PTCHD4: variants seen among roughly 807,000 people sequenced by gnomAD.
The protein encoded by PTCHD4 is patched domain containing 4.
Under a neutral mutation model 58.1 loss-of-function variants are expected in PTCHD4, and 33 were observed. The observed-to-expected ratio is 0.57, with a 90% CI of 0.43 to 0.76. PTCHD4 has a LOEUF of 0.76. Ranked by LOEUF, PTCHD4 falls within the 30% of genes least tolerant of loss-of-function variation. The probability of loss-of-function intolerance (pLI) is 0.00; values close to 1 mark genes in which losing one functional copy is unlikely to be tolerated. For missense variants in PTCHD4, 1,058 were observed against 1,027.1 expected, an observed-to-expected ratio of 1.03 and a Z score of -0.41; for synonymous variants, 478 against 409.6, an observed-to-expected ratio of 1.17 and a Z score of -2.02.
chr6:47,890,122 A>G (rs1030730397), intron 4 of PTCHD4, among the ~76,000 whole-genome samples: 9 of 151,896 alleles, frequency 5.9e-5, no homozygotes, highest in African/African-American at 1.9e-4. Context: ...ATATGCATAT[A>G]TAGTATATGT....
intron 1 of PTCHD4, among the ~76,000 whole-genome samples, chr6:48,093,180 A>G (rs1463648225): frequency 1.3e-5 from 2 of 152,190 alleles, no homozygotes; most frequent in African/African-American, 4.8e-5. Context: ...TGCAAGGCAC[A>G]TATTTTAGAG....
chr6:48,067,433 G>A (rs1320464467), intron 3 of PTCHD4, among the ~76,000 whole-genome samples: 1 of 151,958 alleles, frequency 6.6e-6, no homozygotes, highest in African/African-American at 2.4e-5. Context: ...GAAGATCACT[G>A]GACTCAGTTA....
At chr6:47,935,716 C>G (rs1190178490) in intron 4 of PTCHD4, among the ~76,000 whole-genome samples, 1 of 151,984 alleles carries the variant, frequency 6.6e-6, no homozygotes, top group Non-Finnish European at 1.5e-5. Flanking sequence ...TGATTAGGTG[C>G]CAGACATCAT....
chr6:48,015,647 G>A (rs1421073763), intron 3 of PTCHD4, among the ~76,000 whole-genome samples: 1 of 151,846 alleles, frequency 6.6e-6, no homozygotes, highest in Non-Finnish European at 1.5e-5. Flanking sequence ...ACCTAAACCA[G>A]CCTTCCTTGC....
chr6:47,982,481 C>CTTTTTTTT (rs375869071), intron 4 of PTCHD4, among the ~76,000 whole-genome samples: 20 of 130,780 alleles, frequency 1.5e-4, no homozygotes, highest in Non-Finnish European at 2.2e-4. Flanking sequence ...TTATCTCTCT[C>CTTTTTTTT]TTTTTTTTTT....
At chr6:48,091,850 A>G (rs770717775) in intron 1 of PTCHD4, among the ~76,000 whole-genome samples, 52 of 151,910 alleles carry the variant, frequency 3.4e-4, no homozygotes, top group Non-Finnish European at 5.7e-4. Flanking sequence ...GGGTTTTGCC[A>G]TGTTGGCTAG....
chr6:47,865,998 G>A lies in PTCHD4; in HGVS notation c.*12305C>T, dbSNP rs915840963. 3.2e-4 allele frequency among the ~76,000 whole-genome samples: 49 copies of A among 151,240 alleles called. No individual in the cohort carries two copies. The highest frequency in any genetic ancestry group is 4.7e-4 in the Non-Finnish European group (32 of 67,576). Reference sequence around the variant, plus strand: ...TTATGGCTTTGCTCAGTCTGGTCCCGTCACATGGGGTGCTCAGGCCAATAA... The same window carrying A: ...TTATGGCTTTGCTCAGTCTGGTCCCATCACATGGGGTGCTCAGGCCAATAA... On this transcript the variant is annotated 3_prime_UTR_variant, in exon 5 of 5. Transcript: ENST00000339488.
intron 4 of PTCHD4, chr6:47,901,725 A>C (rs1280154839): frequency 1.9e-5 from 23 of 1,184,716 alleles, no homozygotes; most frequent in Non-Finnish European, 2.3e-5. Context: ...TTCTTAGACT[A>C]GAATGAACTC....
At chr6:47,947,003 A>AT (rs576953047) in intron 4 of PTCHD4, among the ~76,000 whole-genome samples, 299 of 151,946 alleles carry the variant, frequency 2.0e-3, no homozygotes, top group Middle Eastern at 0.01. Context: ...TGCCCAACTA[A>AT]TTTTTTTATT....
chr6:47,929,906 C>T (rs73736805), intron 4 of PTCHD4, among the ~76,000 whole-genome samples: 1,605 of 152,306 alleles, frequency 0.011, 33 homozygotes, highest in African/African-American at 0.037. Flanking sequence ...GGAGACCATG[C>T]TAGACAGAAG....
chr6:48,036,697 C>A (rs1459532526), intron 3 of PTCHD4, among the ~76,000 whole-genome samples: 1 of 151,948 alleles, frequency 6.6e-6, no homozygotes, highest in Non-Finnish European at 1.5e-5. Context: ...CCAAAAGGAA[C>A]CCACAAAGTG....
chr6:47,991,330 G>T (rs527790328), intron 4 of PTCHD4, among the ~76,000 whole-genome samples: 2 of 152,058 alleles, frequency 1.3e-5, no homozygotes, highest in Non-Finnish European at 2.9e-5. Flanking sequence ...ATAGAGAATA[G>T]TTATTTTCAA....
intron 4 of PTCHD4, among the ~76,000 whole-genome samples, chr6:47,891,221 CAAA>C (rs35503136): frequency 0.094 from 7,857 of 83,218 alleles, 234 homozygotes; most frequent in Middle Eastern, 0.15. Context: ...GACTGTGTCT[CAAA>C]AAAAAAAAAA....
At position 47,878,888 on chromosome 6, in the gene PTCHD4, A is replaced by G. The variant is rs765096176; in HGVS notation, c.1947T>C (p.His649=). 1 of 1,613,696 alleles carries G rather than the reference A, an allele frequency of 6.2e-7. No homozygotes were observed. The highest frequency in any genetic ancestry group is 2.2e-5 in the East Asian group (1 of 44,854). Residue 649 remains histidine, a synonymous_variant, in exon 5 of 5, where the codon CAT becomes CAC. Transcript: ENST00000339488. ...CAGGCACTGTGACAGACAAGCTGTA[A>G]TGGTCCATGAAGACAAAGGAGGGGT... ...VFNPSFVFMD[H]YSLSVTVPVL...
chr6:48,068,390 C>T lies in PTCHD4; in HGVS notation c.257G>A (p.Ser86Asn). Residue 86 changes from serine (S) to asparagine (N), a missense_variant, in exon 3 of 5, where the codon AGC becomes AAC. Ser to Asn is a conservative substitution (Grantham distance 46). Transcript: ENST00000339488. The surrounding 1 kb of genome is among the most constrained non-coding windows in gnomAD (Gnocchi z 4.2). ...SLAKIERSLA[S>N]SLFPLDQSKS... ...GGACTGGTCCAGGGGGAAAAGGCTG[C>T]TGGCCAGGCTGCGCTCGATCTTGGC... 6.2e-7 allele frequency: 1 copy of T among 1,613,968 alleles called. No individual in the cohort carries two copies. The highest frequency in any genetic ancestry group is 8.5e-7 in the Non-Finnish European group (1 of 1,179,890).
At chr6:47,943,880 G>T (rs753300550) in intron 4 of PTCHD4, among the ~76,000 whole-genome samples, 13 of 151,850 alleles carry the variant, frequency 8.6e-5, no homozygotes, top group Non-Finnish European at 1.5e-4. Flanking sequence ...AAATGTCAGG[G>T]TCATAATATC....
At chr6:47,895,034 C>T (rs1764491684) in intron 4 of PTCHD4, among the ~76,000 whole-genome samples, 1 of 152,082 alleles carries the variant, frequency 6.6e-6, no homozygotes, top group Non-Finnish European at 1.5e-5. Flanking sequence ...CTGGGGGAGG[C>T]TGAGGCAGGA....
intron 3 of PTCHD4, among the ~76,000 whole-genome samples, chr6:48,034,000 G>C (rs143148821): frequency 6.6e-6 from 1 of 152,184 alleles, no homozygotes; most frequent in African/African-American, 2.4e-5. Context: ...GGGCAGTCCA[G>C]AGCAACAATC....
chr6:48,083,999 G>T (rs1427264043), intron 1 of PTCHD4, among the ~76,000 whole-genome samples: 1 of 152,030 alleles, frequency 6.6e-6, no homozygotes. Context: ...AATGGGAGTT[G>T]TAAGCCACTA....
Sources: allele counts gnomAD v4.1 joint callset (sites outside exome capture counted in the v4.1 genomes callset), GRCh38; gene constraint gnomAD v4.1.1; non-coding constraint Gnocchi (gnomAD v3.1); transcripts MANE v1.5; gene names NCBI Gene and HGNC (gene_info 2026-07-23, HGNC 2026-07-21).